The following MAP4K3 variants were observed in gnomAD, a reference collection of about 807,000 sequenced individuals.
MAP4K3 encodes MAPK/ERK kinase kinase kinase 3.
MAP4K3 carries 94 observed loss-of-function variants against 143.5 expected under a neutral mutation model. The ratio of observed to expected loss-of-function variants is 0.65; its 90% confidence interval spans 0.55 to 0.78. The LOEUF (loss-of-function observed/expected upper bound fraction) is 0.78. Among genes scored for constraint, MAP4K3 ranks in the 30% least tolerant of loss-of-function variants. MAP4K3 has a pLI of 0.00. For synonymous variants in MAP4K3, 416 were observed against 347.2 expected, an observed-to-expected ratio of 1.20 and a Z score of -2.20; for missense variants, 1,077 against 1,068.1, an observed-to-expected ratio of 1.01 and a Z score of -0.12.
intron 1 of MAP4K3, among the ~76,000 whole-genome samples, chr2:39,385,954 A>G (rs539407681): frequency 6.6e-6 from 1 of 152,172 alleles, no homozygotes; most frequent in South Asian, 2.1e-4. Flanking sequence ...CCAGTCTGTA[A>G]CTTATTCTTC....
chr2:39,322,378 CAG>C (rs1683336815), intron 12 of MAP4K3, among the ~76,000 whole-genome samples: 1 of 152,092 alleles, frequency 6.6e-6, no homozygotes, highest in Admixed American at 6.6e-5. Context: ...ATTAGCATAA[CAG>C]ATTAATAAAA....
chr2:39,404,150 C>T (rs1029471362), intron 1 of MAP4K3, among the ~76,000 whole-genome samples: 1 of 151,998 alleles, frequency 6.6e-6, no homozygotes, highest in East Asian at 1.9e-4. Context: ...CCAGCGCATG[C>T]CCAGTTGTGG....
intron 31 of MAP4K3, among the ~76,000 whole-genome samples, chr2:39,254,881 GT>G (rs1423804253): frequency 2.0e-5 from 3 of 152,104 alleles, no homozygotes; most frequent in African/African-American, 7.2e-5. Context: ...TGTTCGGCCT[GT>G]TTTGGTAATT....
Position 39,325,614 on chromosome 2 carries a change from T to C in MAP4K3, c.822A>G (p.Thr274=). The C allele has an allele frequency of 6.2e-7, 1 of 1,612,772 alleles. No homozygotes were observed. The highest frequency in any genetic ancestry group is 1.1e-5 in the South Asian group (1 of 91,012). Residue 274 remains threonine (T), a synonymous_variant, in exon 12 of 34, where the codon ACA becomes ACG. Transcript: ENST00000263881. ...AEKLLQHPFV[T]QHLTRSLAIE... is the part of the protein sequence containing the mutation. Reference sequence around the variant, plus strand: ...TTGCCAAAGACCGTGTCAAATGTTGTGTTACAAAAGGATGCTATAAAAATT... The same window carrying C: ...TTGCCAAAGACCGTGTCAAATGTTGCGTTACAAAAGGATGCTATAAAAATT...
intron 27 of MAP4K3, 63 bp downstream of exon 27, chr2:39,267,126 T>C (rs1179405070): frequency 1.3e-6 from 2 of 1,481,600 alleles, no homozygotes; most frequent in Non-Finnish European, 1.9e-6. Flanking sequence ...GGGGTAGTAC[T>C]GTTTTATGCC....
chr2:39,356,585 T>C (rs1665617709), intron 2 of MAP4K3, among the ~76,000 whole-genome samples: 1 of 152,210 alleles, frequency 6.6e-6, no homozygotes, highest in South Asian at 2.1e-4. Context: ...ATTAAAATCC[T>C]AACTCTGTTC....
chr2:39,400,999 C>A (rs1289243771), intron 1 of MAP4K3, among the ~76,000 whole-genome samples: 1 of 151,956 alleles, frequency 6.6e-6, no homozygotes, highest in Non-Finnish European at 1.5e-5. Flanking sequence ...TACAGTGATT[C>A]CTTAAAAAAG....
At chr2:39,406,179 T>G (rs944287768) in intron 1 of MAP4K3, among the ~76,000 whole-genome samples, 2 of 151,640 alleles carry the variant, frequency 1.3e-5, no homozygotes, top group Non-Finnish European at 2.9e-5. Context: ...GACACGCTAT[T>G]TGAAAACAGA....
chr2:39,420,206 A>G (rs920445208), intron 1 of MAP4K3, among the ~76,000 whole-genome samples: 1 of 152,248 alleles, frequency 6.6e-6, no homozygotes, highest in East Asian at 1.9e-4. Context: ...TGGGTAATCA[A>G]TCTTTCACTA....
chr2:39,324,999 T>C (rs1015343302), intron 12 of MAP4K3, among the ~76,000 whole-genome samples: 1 of 152,300 alleles, frequency 6.6e-6, no homozygotes, highest in East Asian at 1.9e-4. Flanking sequence ...TTTTTAAAGA[T>C]AGAAACGGGG....
chr2:39,283,926 AACT>A (rs933639393), intron 21 of MAP4K3: 11 of 152,338 alleles, frequency 7.2e-5, no homozygotes, highest in African/African-American at 2.4e-4. Context: ...ATGAGATGAA[AACT>A]AATAAAAAAG....
intron 13 of MAP4K3, among the ~76,000 whole-genome samples, chr2:39,311,354 C>T (rs1401183602): frequency 6.6e-6 from 1 of 152,184 alleles, no homozygotes; most frequent in Non-Finnish European, 1.5e-5. Context: ...GCTGGGATTA[C>T]AGGCGTGAGC....
At chr2:39,252,273 G>T (rs186545354) in intron 32 of MAP4K3, among the ~76,000 whole-genome samples, 2 of 152,184 alleles carry the variant, frequency 1.3e-5, no homozygotes, top group Admixed American at 1.3e-4. Flanking sequence ...AGGCTGCCAC[G>T]TAGTGTAACA....
chr2:39,272,162 T>C, intron 26 of MAP4K3, 121 bp downstream of exon 26: 1 of 717,346 alleles, frequency 1.4e-6, no homozygotes, highest in East Asian at 2.6e-5. Flanking sequence ...TGTATATTAC[T>C]TATTATTTTT....
chr2:39,435,978 G>C (rs1423590676), intron 1 of MAP4K3, among the ~76,000 whole-genome samples: 4 of 152,198 alleles, frequency 2.6e-5, no homozygotes, highest in Non-Finnish European at 4.4e-5. Flanking sequence ...AAGTTTCTTT[G>C]TGCATCCTCA....
At chr2:39,347,715 T>C (rs947083525) in intron 3 of MAP4K3, among the ~76,000 whole-genome samples, 1 of 152,008 alleles carries the variant, frequency 6.6e-6, no homozygotes, top group African/African-American at 2.4e-5. Flanking sequence ...TGGAACTCGG[T>C]GAAACTATAA....
Position 39,250,611 on chromosome 2 carries a change from A to G in MAP4K3, c.*7T>C, listed in dbSNP as rs575419845. The G allele has an allele frequency of 3.3e-5, 54 of 1,612,706 alleles. No homozygotes were observed. The South Asian group carries it at 5.6e-4, about 17-fold the overall frequency. On this transcript the variant is annotated 3_prime_UTR_variant, in exon 34 of 34. Transcript: ENST00000263881. ...TTCTAGAGTTAACTGTCAAAGCACA[A>G]CAATTCTCAGTAACTGTTTTCATGA...
At chr2:39,256,399 G>C (rs1311176615) in intron 31 of MAP4K3, among the ~76,000 whole-genome samples, 1 of 152,056 alleles carries the variant, frequency 6.6e-6, no homozygotes, top group Non-Finnish European at 1.5e-5. Context: ...AACAGGCTTT[G>C]CTAGGTGAAG....
At chr2:39,337,139 T>C (rs1664991746) in intron 5 of MAP4K3, among the ~76,000 whole-genome samples, 172 bp from the exon 6 acceptor site, 1 of 152,006 alleles carries the variant, frequency 6.6e-6, no homozygotes. Flanking sequence ...ATCAAGAAAA[T>C]GACTAATTTT....
Sources: gnomAD v4.1 joint callset for allele counts (sites outside exome capture counted in the v4.1 genomes callset) on GRCh38, gnomAD v4.1.1 for gene constraint, MANE v1.5 for transcripts, NCBI Gene and HGNC (gene_info 2026-07-23, HGNC 2026-07-21) for gene names.